Variants in WNT4 observed in about 807,000 individuals in gnomAD.
WNT4 encodes protein Wnt-4.
A neutral mutation model predicts 34.5 loss-of-function variants in WNT4; 16 were observed. That is an observed-to-expected ratio of 0.46 (90% CI 0.31 to 0.70). The LOEUF (loss-of-function observed/expected upper bound fraction) is 0.70, where lower values mean the gene tolerates loss of function less well. WNT4 is among the 30% of genes least tolerant of loss of function. The pLI is 0.04. For missense variants in WNT4, 379 were observed against 495.9 expected, an observed-to-expected ratio of 0.76 and a Z score of 2.24; for synonymous variants, 200 against 211.9, an observed-to-expected ratio of 0.94 and a Z score of 0.49.
rs140914189 is a variant in WNT4 at position 22,130,063 on chromosome 1, T to C, written c.78-212A>G. Among the ~76,000 whole-genome samples the C allele has an allele frequency of 7.6e-3, 1,151 of 152,264 alleles. 49 individuals are homozygous for C. The highest frequency in any genetic ancestry group is 0.065 in the Admixed American group (997 of 15,298). On this transcript the variant is annotated intron_variant, in intron 1 of 4. Transcript: ENST00000290167. ...AATGCTGTCTTCTGCAAAAAGCCTC[T>C]ATCTCAAGTTCAGCAAAGCAGGTGG...
rs543811765 is a variant in WNT4 at position 22,134,439 on chromosome 1, T to C, written c.78-4588A>G. On this transcript the variant is annotated intron_variant, in intron 1 of 4. Transcript: ENST00000290167. This position sits in a 1 kb window ranked among gnomAD's most constrained non-coding sequence, Gnocchi z 4.1. ...TCACTTTTACATCTTTGAATGTTTC[T>C]ATAACCACAGTCTTGGTATCCTGCT... Among the ~76,000 whole-genome samples the C allele has an allele frequency of 6.6e-6, 1 of 152,348 alleles. No individual in the cohort carries two copies. The highest frequency in any genetic ancestry group is 1.9e-4 in the East Asian group (1 of 5,188).
chr1:22,130,767 C>T (rs529301610), intron 1 of WNT4, among the ~76,000 whole-genome samples: 8 of 152,126 alleles, frequency 5.3e-5, no homozygotes, highest in South Asian at 2.1e-4. Context: ...GACACTGGCC[C>T]GAGGCAATGA....
chr1:22,121,065 C>T (rs1208535896), intron 4 of WNT4, 146 bp downstream of exon 4: 2 of 1,385,878 alleles, frequency 1.4e-6, no homozygotes, highest in Non-Finnish European at 1.9e-6. Flanking sequence ...TCTGGCCTGT[C>T]CTGAACCCCA....
rs1415138437 is a variant in WNT4, at chr1:22,133,285, T to C, written c.78-3434A>G. ...GACGGGGTTCCCTCTGCTTCCCTCC[T>C]GGCAGAGTGCTCAGGATGGGGAAGA... On this transcript the variant is annotated intron_variant, in intron 1 of 4. Coordinates refer to ENST00000290167, the MANE Select transcript of WNT4 (RefSeq NM_030761.5). Among the ~76,000 whole-genome samples, 5 of 152,188 alleles carry C rather than the reference T, an allele frequency of 3.3e-5. No individual in the cohort carries two copies. The East Asian group carries it at 7.7e-4, about 24-fold the overall frequency.
chr1:22,125,599 C>T (rs981214433), intron 2 of WNT4, among the ~76,000 whole-genome samples: 2 of 152,136 alleles, frequency 1.3e-5, no homozygotes, highest in African/African-American at 4.8e-5. Context: ...TTGCTATGGC[C>T]AGGGCACCAC....
intron 2 of WNT4, among the ~76,000 whole-genome samples, chr1:22,126,519 C>T (rs1458561232): frequency 6.6e-6 from 1 of 152,210 alleles, no homozygotes; most frequent in Non-Finnish European, 1.5e-5. Flanking sequence ...GAGAACAGCA[C>T]TGTAAACTCA....
Position 22,120,278 on chromosome 1 carries a change from G to A in WNT4, c.828C>T (p.Ser276=), listed in dbSNP as rs1220286766. The change falls in exon 5 of 5, where the codon AGC becomes AGT. Residue 276 remains serine, a synonymous_variant. Transcript: ENST00000290167. ...GCATGTCCTGCTCACAGAAGTCGGG[G>A]CTAGGCTCCAAGTACACCAGGTCCT... ...TDEDLVYLEP[S]PDFCEQDMRS... 6.2e-7 allele frequency: 1 copy of A among 1,614,214 alleles called. No individual in the cohort carries two copies. Among genetic ancestry groups the A allele is most frequent in the Non-Finnish European group, 8.5e-7 (1 of 1,180,036 alleles).
chr1:22,119,734 C>A lies in WNT4; in HGVS notation c.*316G>T. On this transcript the variant is annotated 3_prime_UTR_variant, in exon 5 of 5. Coordinates refer to ENST00000290167, the MANE Select transcript of WNT4 (RefSeq NM_030761.5). Reference sequence around the variant, plus strand: ...GGTGGTAATACTCCTTGTTACTCCACCTTAGGTCTGCAAGTAGAAAAACGG... The same window carrying A: ...GGTGGTAATACTCCTTGTTACTCCAACTTAGGTCTGCAAGTAGAAAAACGG... 2.1e-6 allele frequency: 1 copy of A among 476,316 alleles called. No homozygotes were observed. The highest frequency in any genetic ancestry group is 3.4e-5 in the Admixed American group (1 of 29,186). 29.5% of individuals were successfully genotyped at this position (476,316 alleles called of 1,614,324 possible).
Position 22,134,612 on chromosome 1 carries a change from G to A in WNT4, c.78-4761C>T, listed in dbSNP as rs370027723. Among the ~76,000 whole-genome samples the A allele has an allele frequency of 1.3e-5, 2 of 152,206 alleles. No individual in the cohort carries two copies. Among genetic ancestry groups the A allele is most frequent in the East Asian group, 3.8e-4 (2 of 5,198 alleles). On this transcript the variant is annotated intron_variant, in intron 1 of 4. Coordinates refer to ENST00000290167, the MANE Select transcript of WNT4 (RefSeq NM_030761.5). The surrounding 1 kb of genome is among the most constrained non-coding windows in gnomAD (Gnocchi z 4.1). ...AGTTAGTGAACACCTCTGAGCCTCAGCGTGTTCATCTGTAAAGTGGGGAGA... is the reference window on the plus strand; with the variant it reads ...AGTTAGTGAACACCTCTGAGCCTCAACGTGTTCATCTGTAAAGTGGGGAGA...
At position 22,137,227 on chromosome 1, in the gene WNT4, C is replaced by T. The variant is rs561992096; in HGVS notation, c.77+5619G>A. ...CAGAACACAGTTTGGTTTCAGTTTGCCAGGACATGGGGGAGGGGGAGCTGG... is the reference window on the plus strand; with the variant it reads ...CAGAACACAGTTTGGTTTCAGTTTGTCAGGACATGGGGGAGGGGGAGCTGG... On this transcript the variant is annotated intron_variant, in intron 1 of 4. Transcript: ENST00000290167. The surrounding 1 kb of genome is among the most constrained non-coding windows in gnomAD (Gnocchi z 5.3). Among the ~76,000 whole-genome samples, 20 of 152,300 alleles carry T rather than the reference C, an allele frequency of 1.3e-4. No individual in the cohort carries two copies. The highest frequency in any genetic ancestry group is 4.6e-4 in the African/African-American group (19 of 41,570).
intron 2 of WNT4, among the ~76,000 whole-genome samples, chr1:22,128,000 C>G (rs1645953450): frequency 6.6e-6 from 1 of 152,208 alleles, no homozygotes; most frequent in Non-Finnish European, 1.5e-5. Flanking sequence ...CAAGGGCTTC[C>G]CAGGCTCATG....
In WNT4 at chr1:22,129,761, C is replaced by T. The variant is rs1010441996; in HGVS notation, c.168G>A (p.Met56Ile). ...LKGLIQRQVQ[M>I]CKRNLEVMDS... ...CCATGACTTCCAGGTTCCGCTTGCA[C>T]ATCTGCACCTGCCTCTGGATCAGGC... The change falls in exon 2 of 5, where the codon ATG (methionine) becomes ATA (isoleucine). Residue 56 changes from methionine to isoleucine, a missense_variant. Transcript: ENST00000290167. 1.2e-6 allele frequency: 2 copies of T among 1,614,088 alleles called. No individual in the cohort carries two copies. Among genetic ancestry groups the T allele is most frequent in the African/African-American group, 1.3e-5 (1 of 75,068 alleles).
chr1:22,120,041 G>A lies in WNT4; in HGVS notation c.*9C>T, dbSNP rs1279836949. On this transcript the variant is annotated 3_prime_UTR_variant, in exon 5 of 5. Transcript: ENST00000290167. ...CTAGGTGGTTGCCGGCGCAGGGCTA[G>A]GCAGGCGGTCATCGGCACGTGTGCA... 1.7e-5 allele frequency: 27 copies of A among 1,605,298 alleles called. No individual in the cohort carries two copies. The highest frequency in any genetic ancestry group is 2.3e-5 in the Non-Finnish European group (27 of 1,179,590).
In WNT4 at chr1:22,119,870, C is replaced by G; in HGVS notation, c.*180G>C. On this transcript the variant is annotated 3_prime_UTR_variant, in exon 5 of 5. Transcript: ENST00000290167. Reference sequence around the variant, plus strand: ...CAAAGGCCCAGGCTTTGGGGAGGCCCTGGTTGGTGCCCTTGGGGTTGCCTG... The same window carrying G: ...CAAAGGCCCAGGCTTTGGGGAGGCCGTGGTTGGTGCCCTTGGGGTTGCCTG... 1 of 746,632 alleles carries G rather than the reference C, an allele frequency of 1.3e-6. No individual in the cohort carries two copies. Among genetic ancestry groups the G allele is most frequent in the Admixed American group, 2.6e-5 (1 of 38,980 alleles). 46.3% of individuals were successfully genotyped at this position (746,632 alleles called of 1,614,324 possible).
rs939679858 is a variant in WNT4 at position 22,119,851 on chromosome 1, C to G, written c.*199G>C. The G allele has an allele frequency of 9.0e-6, 6 of 667,024 alleles. No individual in the cohort carries two copies. Among genetic ancestry groups the G allele is most frequent in the Non-Finnish European group, 1.3e-5 (5 of 396,514 alleles). The allele number at this position is 667,024 out of a possible 1,614,324, so 41.3% of individuals were successfully genotyped here. A position where few individuals can be genotyped will look rare whatever the true frequency, so the allele number is the denominator to read the frequency against. On this transcript the variant is annotated 3_prime_UTR_variant, in exon 5 of 5. Transcript: ENST00000290167. ...CTTTGGTCAGTGGCAGCCACAAAGG[C>G]CCAGGCTTTGGGGAGGCCCTGGTTG...
chr1:22,129,523 A>C (rs1227304955), intron 2 of WNT4, 93 bp downstream of exon 2: 5 of 1,401,374 alleles, frequency 3.6e-6, no homozygotes, highest in Non-Finnish European at 4.9e-6. Context: ...AATGACCTGC[A>C]ATAGTCCCGT....
chr1:22,128,437 G>A (rs1430280627), intron 2 of WNT4, among the ~76,000 whole-genome samples: 1 of 152,204 alleles, frequency 6.6e-6, no homozygotes, highest in East Asian at 1.9e-4. Flanking sequence ...CTTGGCCGGC[G>A]ACCTCTGGAG....
rs1646073940 is a variant in WNT4 at position 22,142,202 on chromosome 1, C to T, written c.77+644G>A. ...GGCTAGACACGGGGAGCTGGGGGGC[C>T]GTTGTCTTCTTTAAGGTCTGGACGG... On this transcript the variant is annotated intron_variant, in intron 1 of 4. Coordinates refer to ENST00000290167, the MANE Select transcript of WNT4 (RefSeq NM_030761.5). This position sits in a 1 kb window ranked among gnomAD's most constrained non-coding sequence, Gnocchi z 6.0. Among the ~76,000 whole-genome samples, 1 of 152,138 alleles carries T rather than the reference C, an allele frequency of 6.6e-6. No individual in the cohort carries two copies. The highest frequency in any genetic ancestry group is 2.1e-4 in the South Asian group (1 of 4,826).
intron 1 of WNT4, among the ~76,000 whole-genome samples, chr1:22,131,821 C>T (rs931785165): frequency 1.3e-5 from 2 of 152,220 alleles, no homozygotes; most frequent in Non-Finnish European, 2.9e-5. Context: ...CAGGGGCCTC[C>T]CCGCCCCTCC....
Sources: allele counts gnomAD v4.1 joint callset (sites outside exome capture counted in the v4.1 genomes callset), GRCh38; gene constraint gnomAD v4.1.1; non-coding constraint Gnocchi (gnomAD v3.1); transcripts MANE v1.5; gene names NCBI Gene and HGNC (gene_info 2026-07-23, HGNC 2026-07-21).